SLC7A2: variants seen among roughly 807,000 people sequenced by gnomAD.
SLC7A2 encodes the protein solute carrier family 7 member 2, also known as cationic amino acid transporter 2.
SLC7A2 carries 48 observed loss-of-function variants against 58.9 expected under a neutral mutation model. The ratio of observed to expected loss-of-function variants is 0.82; its 90% CI spans 0.65 to 1.04. The LOEUF (loss-of-function observed/expected upper bound fraction) is 1.04. SLC7A2 is among the 50% of genes least tolerant of loss of function. SLC7A2 has a pLI of 0.00. For missense variants in SLC7A2, 1,029 were observed against 818.8 expected, an observed-to-expected ratio of 1.26 and a Z score of -3.13; for synonymous variants, 363 against 314.5, an observed-to-expected ratio of 1.15 and a Z score of -1.63.
At chr8:17,503,175 C>G (rs573609549) in intron 2 of SLC7A2, among the ~76,000 whole-genome samples, 16 of 151,878 alleles carry the variant, frequency 1.1e-4, no homozygotes, top group African/African-American at 3.6e-4. Context: ...CTCAGCCTCC[C>G]GAGTAGCTGG....
intron 2 of SLC7A2, among the ~76,000 whole-genome samples, chr8:17,534,729 C>A (rs972377087): frequency 2.7e-5 from 4 of 150,750 alleles, no homozygotes; most frequent in Non-Finnish European, 5.9e-5. Flanking sequence ...CAAAACAGTA[C>A]CCTCCTTGCA....
chr8:17,545,403 CTTTTTT>C (rs386412194), intron 4 of SLC7A2, among the ~76,000 whole-genome samples: 6 of 64,276 alleles, frequency 9.3e-5, no homozygotes, highest in African/African-American at 4.2e-4. Context: ...TGAACATTTT[CTTTTTT>C]TTTTTTTTTT....
chr8:17,496,422 T>TGAAAA (rs1373189900), upstream of SLC7A2, among the ~76,000 whole-genome samples: 1 of 152,222 alleles, frequency 6.6e-6, no homozygotes, highest in Non-Finnish European at 1.5e-5. Flanking sequence ...ATTAACAGGC[T>TGAAAA]TTCACATTGT....
upstream of SLC7A2, among the ~76,000 whole-genome samples, chr8:17,495,217 C>G (rs1799928391): frequency 6.6e-6 from 1 of 152,120 alleles, no homozygotes. Flanking sequence ...CCAGGGCAAC[C>G]GCCCTGAGCC....
chr8:17,535,946 C>G (rs1488437468), intron 2 of SLC7A2, among the ~76,000 whole-genome samples: 1 of 152,014 alleles, frequency 6.6e-6, no homozygotes, highest in East Asian at 1.9e-4. Flanking sequence ...AGATAGCCCA[C>G]TAACATTGAA....
chr8:17,527,248 A>G (rs1801256872), intron 2 of SLC7A2, among the ~76,000 whole-genome samples: 1 of 152,180 alleles, frequency 6.6e-6, no homozygotes, highest in Non-Finnish European at 1.5e-5. Flanking sequence ...AACCAAGAGG[A>G]CCACGCTATA....
At chr8:17,555,621 G>C (rs1184953618) in intron 8 of SLC7A2, among the ~76,000 whole-genome samples, 6 of 151,840 alleles carry the variant, frequency 4.0e-5, no homozygotes, top group African/African-American at 1.5e-4. Flanking sequence ...AGTATGGTGG[G>C]CATCCTTGCT....
chr8:17,499,910 A>G (rs1435896760), intron 1 of SLC7A2: 1 of 152,364 alleles, frequency 6.6e-6, no homozygotes, highest in Non-Finnish European at 1.5e-5. Flanking sequence ...AGTACCTAAT[A>G]TAGTATGTGT....
At chr8:17,494,801 A>C (rs902681677), upstream of SLC7A2, among the ~76,000 whole-genome samples, 5 of 152,240 alleles carry the variant, frequency 3.3e-5, no homozygotes, top group Non-Finnish European at 4.4e-5. Context: ...TAAGTCAAGA[A>C]CTAGTGTGTA....
chr8:17,502,376 G>A (rs1428551572), intron 2 of SLC7A2, 74 bp downstream of exon 2: 2 of 152,114 alleles, frequency 1.3e-5, no homozygotes, highest in Admixed American at 1.3e-4. Flanking sequence ...TGTTGACAGT[G>A]GAAAGATTTG....
Position 17,528,000 on chromosome 8 carries a change from CA to C in SLC7A2, c.-22-15317del, listed in dbSNP as rs1192711637. 4.6e-5 allele frequency among the ~76,000 whole-genome samples: 7 copies of C among 152,010 alleles called. No individual in the cohort carries two copies. In the South Asian group the frequency reaches 6.2e-4, roughly 13 times the overall value. Reference sequence around the variant, plus strand: ...GACCTAATTTAGCTCAAGGGAGTGTCAGGGGTGATTGGGAGCCATCCAGGCG... The same window carrying C: ...GACCTAATTTAGCTCAAGGGAGTGTCGGGGTGATTGGGAGCCATCCAGGCG... On this transcript the variant is annotated intron_variant, in intron 2 of 12. Coordinates refer to ENST00000494857, the MANE Select transcript of SLC7A2 (RefSeq NM_001370338.1).
At chr8:17,541,976 T>TC (rs1723928977) in intron 2 of SLC7A2, among the ~76,000 whole-genome samples, 1 of 151,268 alleles carries the variant, frequency 6.6e-6, no homozygotes, top group Non-Finnish European at 1.5e-5. Flanking sequence ...GTCTACTTTA[T>TC]TCATTCCATT....
intron 2 of SLC7A2, among the ~76,000 whole-genome samples, chr8:17,504,333 T>C (rs954972092): frequency 1.6e-4 from 25 of 152,214 alleles, no homozygotes; most frequent in African/African-American, 5.3e-4. Flanking sequence ...CAGTTTCTTA[T>C]GGAGTTCAGT....
In SLC7A2 at chr8:17,530,461, A is replaced by G. The variant is rs370009952; in HGVS notation, c.-22-12857A>G. ...TACTCGTTGGAGAATAGCAACATGC[A>G]GGGCTAGAAAGCCAGGCTGGGGCCA... On this transcript the variant is annotated intron_variant, in intron 2 of 12. Coordinates refer to ENST00000494857, the MANE Select transcript of SLC7A2 (RefSeq NM_001370338.1). Among the ~76,000 whole-genome samples the G allele has an allele frequency of 7.9e-5, 12 of 152,316 alleles. No homozygotes were observed. The East Asian group carries it at 2.3e-3, about 29-fold the overall frequency.
chr8:17,508,035 A>T (rs180676418), intron 2 of SLC7A2, among the ~76,000 whole-genome samples: 1 of 152,146 alleles, frequency 6.6e-6, no homozygotes, highest in Non-Finnish European at 1.5e-5. Context: ...TTTCAACCTC[A>T]TAAATGGTGC....
At chr8:17,526,566 G>A (rs1236136192) in intron 2 of SLC7A2, among the ~76,000 whole-genome samples, 1 of 152,174 alleles carries the variant, frequency 6.6e-6, no homozygotes, top group Non-Finnish European at 1.5e-5. Flanking sequence ...TTAGATGTGT[G>A]TGTGTGGAGT....
chr8:17,519,368 A>G (rs1164937495), intron 2 of SLC7A2, among the ~76,000 whole-genome samples: 1 of 152,212 alleles, frequency 6.6e-6, no homozygotes, highest in Non-Finnish European at 1.5e-5. Context: ...TTTTAGGAGC[A>G]TGTCTCATTC....
intron 2 of SLC7A2, among the ~76,000 whole-genome samples, chr8:17,542,531 G>T (rs1042865979): frequency 3.3e-5 from 5 of 152,018 alleles, no homozygotes; most frequent in African/African-American, 4.8e-5. Context: ...CATGCCTGTG[G>T]TCCCAGCTAC....
chr8:17,560,559 G>A, intron 10 of SLC7A2, 26 bp downstream of exon 10: 2 of 1,566,986 alleles, frequency 1.3e-6, no homozygotes, highest in Non-Finnish European at 8.8e-7. Context: ...TGCTTACATT[G>A]TACAGACCCA....
Sources: gnomAD v4.1 joint callset for allele counts (sites outside exome capture counted in the v4.1 genomes callset) on GRCh38, gnomAD v4.1.1 for gene constraint, MANE v1.5 for transcripts, NCBI Gene and HGNC (gene_info 2026-07-23, HGNC 2026-07-21) for gene names.